Variants in AHCTF1 observed in about 807,000 individuals in gnomAD.
AHCTF1 encodes AT-hook containing transcription factor 1, also known as protein ELYS.
In AHCTF1, 24 loss-of-function variants were observed where a neutral mutation model predicts 248.4. That is an observed-to-expected ratio of 0.10 (90% CI 0.07 to 0.14). The LOEUF (loss-of-function observed/expected upper bound fraction) is 0.14, where lower values mean the gene tolerates loss of function less well. Among genes scored for constraint, AHCTF1 ranks in the 10% least tolerant of loss-of-function variants. AHCTF1 has a pLI of 1.00. For missense variants in AHCTF1, 2,206 were observed against 2,636.2 expected, an observed-to-expected ratio of 0.84 and a Z score of 3.57; for synonymous variants, 786 against 929.8, an observed-to-expected ratio of 0.85 and a Z score of 2.81.
intron 24 of AHCTF1, 102 bp from the exon 25 acceptor site, chr1:246,867,913 A>G: frequency 2.1e-6 from 1 of 487,446 alleles, no homozygotes. Context: ...ACACACACAC[A>G]CACACACATT....
intron 14 of AHCTF1, 109 bp from the exon 15 acceptor site, chr1:246,892,028 C>G: frequency 8.3e-7 from 1 of 1,200,400 alleles, no homozygotes; most frequent in Non-Finnish European, 1.1e-6. Context: ...TTATTCTATT[C>G]ATTATGAGAT....
chr1:246,894,472 G>A (rs1572427991), intron 14 of AHCTF1, among the ~76,000 whole-genome samples, 187 bp downstream of exon 14: 1 of 152,116 alleles, frequency 6.6e-6, no homozygotes, highest in East Asian at 1.9e-4. Context: ...GAACCCGGGA[G>A]GTGGAGCCTG....
intron 1 of AHCTF1, among the ~76,000 whole-genome samples, chr1:246,924,219 G>C (rs757635067): frequency 6.6e-6 from 1 of 152,076 alleles, no homozygotes; most frequent in African/African-American, 2.4e-5. Context: ...AATTTATAAA[G>C]AAATATTTAC....
intron 1 of AHCTF1, among the ~76,000 whole-genome samples, chr1:246,929,405 T>C (rs1284660465): frequency 9.8e-6 from 1 of 102,344 alleles, no homozygotes; most frequent in Non-Finnish European, 1.9e-5. Context: ...TGAGACTCCG[T>C]CTCAAAAAAA....
chr1:246,870,726 A>C (rs1467934935), intron 24 of AHCTF1, among the ~76,000 whole-genome samples: 2 of 142,662 alleles, frequency 1.4e-5, no homozygotes, highest in African/African-American at 5.2e-5. Context: ...AAAACCTCAA[A>C]AAAAAAAAAA....
Position 246,918,292 on chromosome 1 carries a change from C to G in AHCTF1, c.79G>C (p.Glu27Gln). 1.2e-6 allele frequency: 2 copies of G among 1,611,942 alleles called. No individual in the cohort carries two copies. The highest frequency in any genetic ancestry group is 1.7e-6 in the Non-Finnish European group (2 of 1,179,524). The change falls in exon 2 of 36, where the codon GAA (glutamate) becomes CAA (glutamine). Residue 27 changes from glutamate (E) to glutamine (Q), a missense_variant. Transcript: ENST00000648844. The stretch of plus-strand genomic sequence containing the variant: ...CGAAGCACAGATTCTAATGTTATTT[C>G]GTCTTCTCCAAGGGCTTGAAGAGTC... ...EVTLQALGED[E>Q]ITLESVLRGK...
chr1:246,902,916 C>G (rs1014774752), intron 7 of AHCTF1, among the ~76,000 whole-genome samples: 8 of 152,178 alleles, frequency 5.3e-5, no homozygotes, highest in Middle Eastern at 3.4e-3. Context: ...ACACAGAAGC[C>G]CTCATGCACT....
intron 15 of AHCTF1, 98 bp downstream of exon 15, chr1:246,891,681 C>T (rs1664214592): frequency 7.7e-7 from 1 of 1,294,090 alleles, no homozygotes; most frequent in Non-Finnish European, 1.1e-6. Context: ...GTCCTCTTTA[C>T]ATAATGATCC....
At position 246,841,011 on chromosome 1, in the gene AHCTF1, G is replaced by T. The variant is rs1165263030; in HGVS notation, c.6609-13C>A. ...TTTTTCTGTGTTTCTGAAAAAAAAA[G>T]ATATGATCAAGTAAGAATAAACACA... On this transcript the variant is annotated splice_polypyrimidine_tract_variant and intron_variant, in intron 35 of 35. Coordinates refer to ENST00000648844, the MANE Select transcript of AHCTF1 (RefSeq NM_001323342.2). 6.3e-7 allele frequency: 1 copy of T among 1,583,568 alleles called. No homozygotes were observed. Among genetic ancestry groups the T allele is most frequent in the Non-Finnish European group, 8.6e-7 (1 of 1,168,726 alleles).
At chr1:246,915,819 A>T (rs1019279060) in intron 3 of AHCTF1, among the ~76,000 whole-genome samples, 1 of 152,232 alleles carries the variant, frequency 6.6e-6, no homozygotes, top group Non-Finnish European at 1.5e-5. Flanking sequence ...CTCATAGAAC[A>T]CAACTGGAGA....
At position 246,850,580 on chromosome 1, in the gene AHCTF1, G is replaced by A. The variant is rs1272068688; in HGVS notation, c.5426C>T (p.Pro1809Leu). 8.7e-6 allele frequency: 14 copies of A among 1,612,506 alleles called. No homozygotes were observed. The highest frequency in any genetic ancestry group is 4.5e-5 in the East Asian group (2 of 44,850). Reference sequence around the variant, plus strand: ...TTCTTTCTTTCTCCTTCCTCTCCTAGGCGTAACAGAATTTTGAGGTATTTG... The same window carrying A: ...TTCTTTCTTTCTCCTTCCTCTCCTAAGCGTAACAGAATTTTGAGGTATTTG... ...NQQIPQNSVT[P>L]RRGRRKKEVN... is the part of the protein sequence containing the mutation. The change falls in exon 33 of 36, where the codon CCT becomes CTT. Residue 1809 changes from proline to leucine, a missense_variant. Pro to Leu is a moderately conservative substitution (Grantham distance 98). Transcript: ENST00000648844.
chr1:246,877,206 C>T lies in AHCTF1; in HGVS notation c.2757G>A (p.Met919Ile). 1 of 1,613,428 alleles carries T rather than the reference C, an allele frequency of 6.2e-7. No homozygotes were observed. Among genetic ancestry groups the T allele is most frequent in the South Asian group, 1.1e-5 (1 of 90,966 alleles). The stretch of plus-strand genomic sequence containing the variant: ...ACTTCAGTAAATCTTCCATCAAGCC[C>T]ATTTCCTGACAGACTTCATACATGT... ...LKHMYEVCQEMGLMEDLLKLP... is the reference protein window; with the variant it reads ...LKHMYEVCQEIGLMEDLLKLP... The change falls in exon 22 of 36, where the codon ATG (methionine) becomes ATA (isoleucine). Residue 919 changes from methionine to isoleucine, a missense_variant. Physicochemically the swap from Met to Ile is conservative, Grantham distance 10 (BLOSUM62 1). This residue lies in a region of AHCTF1 where 955 missense variants were observed against 1,055.6 expected (regional missense o/e 0.90). Transcript: ENST00000648844.
intron 17 of AHCTF1, among the ~76,000 whole-genome samples, chr1:246,889,751 C>T (rs1015879628): frequency 3.3e-5 from 5 of 152,230 alleles, no homozygotes; most frequent in African/African-American, 1.2e-4. Flanking sequence ...CTCAACACCA[C>T]TTTCTTTGTC....
At chr1:246,867,890 C>T (rs1454764407) in intron 24 of AHCTF1, 79 bp from the exon 25 acceptor site, 3 of 519,518 alleles carry the variant, frequency 5.8e-6, no homozygotes, top group Admixed American at 4.7e-5. Flanking sequence ...AGAATGATTA[C>T]ACCCCCCCCC....
chr1:246,898,187 TAG>T lies in AHCTF1; in HGVS notation c.1623+19_1623+20del. 3.1e-6 allele frequency: 5 copies of T among 1,610,674 alleles called. No individual in the cohort carries two copies. The highest frequency in any genetic ancestry group is 4.2e-6 in the Non-Finnish European group (5 of 1,179,506). ...AACGTGATCCAACCAAAAGAAACAA[TAG>T]AGTTAAAAATCATCTCACTTGGCTT... On this transcript the variant is annotated intron_variant, in intron 12 of 35. Coordinates refer to ENST00000648844, the MANE Select transcript of AHCTF1 (RefSeq NM_001323342.2).
At chr1:246,858,401 T>C (rs998471897) in intron 29 of AHCTF1, among the ~76,000 whole-genome samples, 1 of 152,180 alleles carries the variant, frequency 6.6e-6, no homozygotes, top group Non-Finnish European at 1.5e-5. Context: ...AAAAAGTAGA[T>C]AAGAAAACTG....
At chr1:246,846,063 T>G (rs548911220) in intron 33 of AHCTF1, among the ~76,000 whole-genome samples, 1 of 149,684 alleles carries the variant, frequency 6.7e-6, no homozygotes, top group African/African-American at 2.5e-5. Flanking sequence ...CTTTACTGGG[T>G]TGAAGTGGGA....
Position 246,862,039 on chromosome 1 carries a change from G to C in AHCTF1, c.3655C>G (p.Pro1219Ala). Residue 1219 changes from proline (P) to alanine (A), a missense_variant, in exon 28 of 36, where the codon CCT becomes GCT. This residue lies in a region of AHCTF1 where 955 missense variants were observed against 1,055.6 expected (regional missense o/e 0.90). Transcript: ENST00000648844. ...STPLASPSPS[P>A]GRSPQRLKET... ...TTAAGTCGTTGAGGAGACCTTCCAG[G>C]TGATGGAGAGGGAGATGCTAAAGGT... 6.2e-7 allele frequency: 1 copy of C among 1,612,826 alleles called. No homozygotes were observed. Among genetic ancestry groups the C allele is most frequent in the Non-Finnish European group, 8.5e-7 (1 of 1,178,836 alleles).
chr1:246,925,243 T>C (rs1009181246), intron 1 of AHCTF1, among the ~76,000 whole-genome samples: 1 of 152,180 alleles, frequency 6.6e-6, no homozygotes, highest in African/African-American at 2.4e-5. Flanking sequence ...AGCAAAAAAG[T>C]TCCATGATCC....
Sources: gnomAD v4.1 joint callset for allele counts (sites outside exome capture counted in the v4.1 genomes callset) on GRCh38, gnomAD v4.1.1 for gene constraint, gnomAD v4.1.1 regional missense constraint, MANE v1.5 for transcripts, NCBI Gene and HGNC (gene_info 2026-07-23, HGNC 2026-07-21) for gene names.